The following CDH13 variants were observed in gnomAD, a reference collection of about 807,000 sequenced individuals.
CDH13 encodes cadherin 13, also known as cadherin-13.
A neutral mutation model predicts 63.8 loss-of-function variants in CDH13; 24 were observed. The ratio of observed to expected loss-of-function variants is 0.38; its 90% confidence interval spans 0.27 to 0.53. The LOEUF (loss-of-function observed/expected upper bound fraction) is 0.53, where lower values mean the gene tolerates loss of function less well. CDH13 is among the 20% of genes least tolerant of loss of function. CDH13 has a pLI of 0.85. For synonymous variants in CDH13, 503 were observed against 355.3 expected (o/e 1.42, Z -4.67); for missense variants, 1,049 against 903.1 (o/e 1.16, Z -2.07).
At chr16:83,710,711 C>G (rs189709068) in intron 10 of CDH13, among the ~76,000 whole-genome samples, 50 of 152,154 alleles carry the variant, frequency 3.3e-4, no homozygotes, top group Non-Finnish European at 6.2e-4. Context: ...TGGGAATTAA[C>G]AGGAAGATTG....
intron 11 of CDH13, among the ~76,000 whole-genome samples, chr16:83,762,946 G>T (rs1021504333): frequency 9.2e-5 from 14 of 152,158 alleles, no homozygotes; most frequent in African/African-American, 3.4e-4. Context: ...AAAACAAAAG[G>T]TGTCCCTGTT....
At chr16:83,743,005 C>G (rs765252882) in intron 10 of CDH13, among the ~76,000 whole-genome samples, 10 of 152,082 alleles carry the variant, frequency 6.6e-5, no homozygotes, top group Non-Finnish European at 1.3e-4. Context: ...GTCAGGAGTT[C>G]GAGACCAGCC....
intron 2 of CDH13, among the ~76,000 whole-genome samples, chr16:82,885,852 G>A (rs923194102): frequency 6.6e-6 from 1 of 152,072 alleles, no homozygotes; most frequent in African/African-American, 2.4e-5. Flanking sequence ...ACCTCATAGG[G>A]TTATGTCAGG....
chr16:83,097,189 G>C (rs2034248664), intron 3 of CDH13, among the ~76,000 whole-genome samples: 1 of 152,158 alleles, frequency 6.6e-6, no homozygotes, highest in African/African-American at 2.4e-5. Context: ...AGGAAGCATT[G>C]AGTCTAACTG....
chr16:83,040,479 A>G (rs960930831), intron 3 of CDH13, among the ~76,000 whole-genome samples: 10 of 152,174 alleles, frequency 6.6e-5, no homozygotes, highest in South Asian at 2.1e-4. Flanking sequence ...TCTCTGGTGT[A>G]AGTCCAACAG....
chr16:83,733,224 G>A (rs1911208669), intron 10 of CDH13, among the ~76,000 whole-genome samples: 1 of 152,162 alleles, frequency 6.6e-6, no homozygotes, highest in Non-Finnish European at 1.5e-5. Context: ...TAACCCTCCA[G>A]CTCCTTCACA....
intron 5 of CDH13, among the ~76,000 whole-genome samples, chr16:83,244,687 C>G (rs1334401344): frequency 6.6e-6 from 1 of 152,112 alleles, no homozygotes; most frequent in Non-Finnish European, 1.5e-5. Flanking sequence ...TGAAAAGATT[C>G]CAAGCAAAAT....
At chr16:83,520,848 C>G (rs1366578885) in intron 7 of CDH13, among the ~76,000 whole-genome samples, 7 of 152,100 alleles carry the variant, frequency 4.6e-5, no homozygotes, top group Admixed American at 1.3e-4. Flanking sequence ...TGGCTCTGGC[C>G]TCAGTTCTGC....
intron 2 of CDH13, chr16:82,884,368 A>G (rs1482143832): frequency 8.3e-6 from 3 of 359,352 alleles, no homozygotes; most frequent in Non-Finnish European, 1.6e-5. Flanking sequence ...TCTTCTAACC[A>G]GGAGAGCTGA....
rs61268215 is a variant in CDH13, at chr16:83,259,401, G to T, written c.636+41904G>T. The stretch of plus-strand genomic sequence containing the variant: ...TGCTTGGAAAGTCTGTCTCCTGAGC[G>T]TGGGGAGAACAGCCCCTCAGGTATG... On this transcript the variant is annotated intron_variant, in intron 5 of 13. Coordinates refer to ENST00000567109, the MANE Select transcript of CDH13 (RefSeq NM_001257.5). Among the ~76,000 whole-genome samples, 873 of 152,210 alleles carry T rather than the reference G, an allele frequency of 5.7e-3. 27 individuals are homozygous for T. In the East Asian group the frequency reaches 0.097, roughly 17 times the overall value.
At chr16:83,408,911 G>C (rs2092086721) in intron 6 of CDH13, among the ~76,000 whole-genome samples, 2 of 152,182 alleles carry the variant, frequency 1.3e-5, no homozygotes, top group African/African-American at 4.8e-5. Context: ...GCCCAAGGCT[G>C]GGAGCACAAG....
chr16:83,116,813 G>C (rs940261961), intron 3 of CDH13, among the ~76,000 whole-genome samples: 1 of 152,184 alleles, frequency 6.6e-6, no homozygotes, highest in African/African-American at 2.4e-5. Flanking sequence ...CTGCAGGCGA[G>C]AGGGGCTCCA....
intron 11 of CDH13, among the ~76,000 whole-genome samples, chr16:83,776,578 C>T (rs1170255186): frequency 2.0e-5 from 3 of 152,206 alleles, no homozygotes; most frequent in Non-Finnish European, 4.4e-5. Context: ...CCACCAGCCC[C>T]GCTAAAGAGT....
chr16:83,738,473 A>G (rs866807129), intron 10 of CDH13, among the ~76,000 whole-genome samples: 5 of 152,308 alleles, frequency 3.3e-5, no homozygotes, highest in South Asian at 2.1e-4. Context: ...ATTTTCTGCA[A>G]TTAACACAGA....
At position 83,125,515 on chromosome 16, in the gene CDH13, A is replaced by G; in HGVS notation, c.483+14A>G. 7 of 1,313,764 alleles carry G rather than the reference A, an allele frequency of 5.3e-6. No individual in the cohort carries two copies. The highest frequency in any genetic ancestry group is 2.3e-5 in the East Asian group (1 of 43,516). The allele number at this position is 1,313,764 out of a possible 1,614,324, so 81.4% of individuals were successfully genotyped here. ...GATGTTGGCAAGGTAAGTCAGACAA[A>G]CAGCAAATGACAAAAACATGTTTTT... On this transcript the variant is annotated intron_variant, in intron 4 of 13. Transcript: ENST00000567109.
intron 5 of CDH13, among the ~76,000 whole-genome samples, chr16:83,295,471 C>T (rs2151869876): frequency 6.6e-6 from 1 of 152,024 alleles, no homozygotes; most frequent in Non-Finnish European, 1.5e-5. Context: ...AACTGTACAT[C>T]TGATAAAATA....
chr16:82,798,694 A>T (rs1029455795), intron 1 of CDH13, among the ~76,000 whole-genome samples: 8 of 152,142 alleles, frequency 5.3e-5, no homozygotes, highest in African/African-American at 1.9e-4. Flanking sequence ...GCCATAGGCT[A>T]GCCTGTTTGG....
intron 4 of CDH13, among the ~76,000 whole-genome samples, chr16:83,157,527 AG>A (rs2037255700): frequency 6.6e-6 from 1 of 152,188 alleles, no homozygotes; most frequent in African/African-American, 2.4e-5. Context: ...ACATCATTTA[AG>A]GGAACTAGAG....
chr16:83,560,907 C>CA (rs946251444), intron 7 of CDH13, among the ~76,000 whole-genome samples: 12 of 152,116 alleles, frequency 7.9e-5, no homozygotes, highest in South Asian at 2.1e-4. Flanking sequence ...TGGCCCCCCC[C>CA]CCGCCCCAGG....
Sources: allele counts gnomAD v4.1 joint callset (sites outside exome capture counted in the v4.1 genomes callset), GRCh38; gene constraint gnomAD v4.1.1; transcripts MANE v1.5; gene names NCBI Gene and HGNC (gene_info 2026-07-23, HGNC 2026-07-21).